Variants in ZPBP observed in about 807,000 individuals in gnomAD.
ZPBP encodes zona pellucida-binding protein 1.
ZPBP carries 26 observed loss-of-function variants against 44.8 expected under a neutral mutation model. The observed-to-expected ratio is 0.58, with a 90% CI of 0.43 to 0.81. The LOEUF (loss-of-function observed/expected upper bound fraction) is 0.81. Ranked by LOEUF, ZPBP falls within the 30% of genes least tolerant of loss-of-function variation. The probability of loss-of-function intolerance (pLI) is 0.00; values close to 1 mark genes in which losing one functional copy is unlikely to be tolerated. For synonymous variants in ZPBP, 174 were observed against 153.2 expected, an observed-to-expected ratio of 1.14 and a Z score of -1.00; for missense variants, 409 against 434.0, an observed-to-expected ratio of 0.94 and a Z score of 0.51.
intron 7 of ZPBP, among the ~76,000 whole-genome samples, chr7:49,980,876 G>A (rs530510792): frequency 6.6e-6 from 1 of 151,870 alleles, no homozygotes; most frequent in Non-Finnish European, 1.5e-5. Flanking sequence ...ATTTCTAATT[G>A]TTCTTTTCTC....
intron 4 of ZPBP, among the ~76,000 whole-genome samples, chr7:50,045,268 C>T (rs995388372): frequency 1.3e-5 from 2 of 152,160 alleles, no homozygotes; most frequent in Non-Finnish European, 2.9e-5. Context: ...CTCACCACTC[C>T]TATTCAATAT....
chr7:50,013,245 C>T (rs928620010), intron 6 of ZPBP, among the ~76,000 whole-genome samples: 1 of 151,674 alleles, frequency 6.6e-6, no homozygotes, highest in Non-Finnish European at 1.5e-5. Context: ...TATAATGTCA[C>T]TTGATGTATG....
At chr7:49,989,367 T>C (rs1386337341) in intron 6 of ZPBP, among the ~76,000 whole-genome samples, 1 of 152,028 alleles carries the variant, frequency 6.6e-6, no homozygotes, top group African/African-American at 2.4e-5. Context: ...AACTCACAGG[T>C]TTGAGGGTAC....
rs1562819969 is a variant in ZPBP at position 49,981,553 on chromosome 7, A to AATTATATATTATATAATTATAT, written c.961+1788_961+1789insATATAATTATATAATATATAAT. Among the ~76,000 whole-genome samples, 14 of 77,816 alleles carry AATTATATATTATATAATTATAT rather than the reference A, an allele frequency of 1.8e-4. No homozygotes were observed. In the East Asian group the frequency reaches 2.1e-3, roughly 12 times the overall value. 51.1% of individuals were successfully genotyped at this position (77,816 alleles called of 152,430 possible). A position where few individuals can be genotyped will look rare whatever the true frequency, so the allele number is the denominator to read the frequency against. ...ATATTATAATTTTATATAATTATAT[A>AATTATATATTATATAATTATAT]AATTATATATTATATAATTATATAA... On this transcript the variant is annotated intron_variant, in intron 7 of 7. Coordinates refer to ENST00000046087, the MANE Select transcript of ZPBP (RefSeq NM_007009.3).
At chr7:50,012,674 T>A (rs1282283680) in intron 6 of ZPBP, among the ~76,000 whole-genome samples, 3 of 149,628 alleles carry the variant, frequency 2.0e-5, no homozygotes, top group African/African-American at 7.4e-5. Flanking sequence ...AAGGTATCTA[T>A]GAAAACCTAG....
At chr7:49,888,004 A>G (rs1362109608) in intron 2 of ZPBP, among the ~76,000 whole-genome samples, 1 of 152,224 alleles carries the variant, frequency 6.6e-6, no homozygotes, top group East Asian at 1.9e-4. Flanking sequence ...ACCACTTGGT[A>G]TCATGTATTT....
chr7:50,089,615 A>G lies in ZPBP; in HGVS notation c.208+14T>C. 6.3e-7 allele frequency: 1 copy of G among 1,578,236 alleles called. No individual in the cohort carries two copies. Among genetic ancestry groups the G allele is most frequent in the Non-Finnish European group, 8.7e-7 (1 of 1,152,324 alleles). ...ATAACTTTTAAAAATTAGTGAAAAT[A>G]TATTTATGAATACCTGGAAAACTTG... On this transcript the variant is annotated intron_variant, in intron 2 of 7. Coordinates refer to ENST00000046087, the MANE Select transcript of ZPBP (RefSeq NM_007009.3).
the ZPBP span, among the ~76,000 whole-genome samples, chr7:49,843,793 T>C: frequency 6.6e-6 from 1 of 152,208 alleles, no homozygotes; most frequent in African/African-American, 2.4e-5. Flanking sequence ...GTGCAAGGAC[T>C]TAACCTGGGC....
At chr7:50,073,780 T>G (rs1412928754) in intron 3 of ZPBP, among the ~76,000 whole-genome samples, 1 of 151,978 alleles carries the variant, frequency 6.6e-6, no homozygotes. Context: ...AAAATAAAAT[T>G]TATCCTAGAA....
downstream of ZPBP, among the ~76,000 whole-genome samples, chr7:49,935,057 C>T (rs1251199632): frequency 6.6e-6 from 1 of 152,150 alleles, no homozygotes; most frequent in Non-Finnish European, 1.5e-5. Context: ...TTTTATTGCA[C>T]ACACTGTCAT....
chr7:50,030,254 G>A (rs1008088414), intron 5 of ZPBP, among the ~76,000 whole-genome samples: 8 of 152,080 alleles, frequency 5.3e-5, no homozygotes, highest in African/African-American at 1.7e-4. Flanking sequence ...GGGAAGGGAA[G>A]GGGAATAGCA....
At chr7:49,880,581 TTTTA>T (rs10645724) in intron 2 of ZPBP, among the ~76,000 whole-genome samples, 28 of 151,546 alleles carry the variant, frequency 1.8e-4, no homozygotes, top group Middle Eastern at 3.4e-3. Context: ...TATTTTTTAT[TTTTA>T]TTTATTTATT....
chr7:49,853,898 T>C (rs1473783208), intron 2 of ZPBP, among the ~76,000 whole-genome samples: 1 of 131,002 alleles, frequency 7.6e-6, no homozygotes, highest in Non-Finnish European at 1.5e-5. Flanking sequence ...CGGTGTGTGA[T>C]GTTCCCCTTC....
At chr7:50,011,466 T>G (rs1354157643) in intron 6 of ZPBP, among the ~76,000 whole-genome samples, 1 of 152,162 alleles carries the variant, frequency 6.6e-6, no homozygotes, top group African/African-American at 2.4e-5. Flanking sequence ...TACTATGTGG[T>G]CCTTCACAAG....
intron 2 of ZPBP, among the ~76,000 whole-genome samples, chr7:49,893,256 A>G (rs1170191120): frequency 3.3e-5 from 5 of 152,176 alleles, no homozygotes; most frequent in African/African-American, 1.2e-4. Context: ...AGGTTCCACG[A>G]ATCTAGAATA....
At chr7:49,906,835 T>C (rs557769175) in intron 1 of ZPBP, among the ~76,000 whole-genome samples, 1 of 152,286 alleles carries the variant, frequency 6.6e-6, no homozygotes, top group East Asian at 1.9e-4. Context: ...TTTTAACACT[T>C]GATGTTTTCG....
chr7:49,928,234 T>C (rs966112871), intron 1 of ZPBP, among the ~76,000 whole-genome samples: 1 of 152,232 alleles, frequency 6.6e-6, no homozygotes, highest in Non-Finnish European at 1.5e-5. Context: ...TAAGGTTATT[T>C]GCTGAGTTTC....
At chr7:49,970,013 C>A (rs1223461346) in intron 7 of ZPBP, among the ~76,000 whole-genome samples, 1 of 67,122 alleles carries the variant, frequency 1.5e-5, no homozygotes, top group African/African-American at 6.5e-5. Context: ...GCATGCACCA[C>A]CACTCCCAGC....
intron 2 of ZPBP, among the ~76,000 whole-genome samples, chr7:49,886,253 G>T (rs1046267732): frequency 6.6e-6 from 1 of 152,174 alleles, no homozygotes; most frequent in Non-Finnish European, 1.5e-5. Flanking sequence ...GTGTGGCTTT[G>T]AATCACTTTT....
Sources: allele counts gnomAD v4.1 joint callset (sites outside exome capture counted in the v4.1 genomes callset), GRCh38; gene constraint gnomAD v4.1.1; transcripts MANE v1.5; gene names NCBI Gene and HGNC (gene_info 2026-07-23, HGNC 2026-07-21).